Variants in PXN observed in about 807,000 individuals in gnomAD.
PXN encodes testicular tissue protein Li 134.
PXN carries 61 observed loss-of-function variants against 103.6 expected under a neutral mutation model. The observed-to-expected ratio is 0.59, with a 90% CI of 0.48 to 0.73. The LOEUF is 0.73. PXN is among the 30% of genes least tolerant of loss of function. The pLI is 0.00. For missense variants in PXN, 1,274 were observed against 1,460.3 expected (o/e 0.87, Z 2.08); for synonymous variants, 562 against 607.8 (o/e 0.92, Z 1.11).
At chr12:120,239,709 C>T (rs546958005) in intron 1 of PXN, among the ~76,000 whole-genome samples, 4 of 152,130 alleles carry the variant, frequency 2.6e-5, no homozygotes, top group Admixed American at 6.5e-5. Flanking sequence ...TGAGATCACA[C>T]CACTGCACTC....
In PXN at chr12:120,215,140, C is replaced by T; in HGVS notation, c.2537G>A (p.Gly846Glu). The change falls in exon 11 of 15, where the codon GGA (glycine) becomes GAA (glutamate). Residue 846 changes from glycine to glutamate, a missense_variant. Transcript: ENST00000637617. This position sits in a 1 kb window ranked among gnomAD's most constrained non-coding sequence, Gnocchi z 4.9. ...GGGCTTCTTGCAGGCCCCGCAGACT[C>T]CTTTGGCGACTGTGGCGACCCCCAG... ...NKLGVATVAK[G>E]VCGACKKPIA... 1 of 1,572,218 alleles carries T rather than the reference C, an allele frequency of 6.4e-7. No individual in the cohort carries two copies. The highest frequency in any genetic ancestry group is 1.3e-5 in the African/African-American group (1 of 74,180).
intron 1 of PXN, among the ~76,000 whole-genome samples, chr12:120,235,854 T>C (rs1224332286): frequency 6.6e-6 from 1 of 152,156 alleles, no homozygotes; most frequent in African/African-American, 2.4e-5. Flanking sequence ...TGTGGTCCCA[T>C]CTGAACCTCA....
chr12:120,231,575 G>T (rs1175295582), intron 1 of PXN, among the ~76,000 whole-genome samples: 1 of 152,138 alleles, frequency 6.6e-6, no homozygotes, highest in South Asian at 2.1e-4. Context: ...GGAGGGGGTG[G>T]TCATTTGGAT....
At chr12:120,238,713 A>G (rs1406762915) in intron 1 of PXN, among the ~76,000 whole-genome samples, 10 of 152,192 alleles carry the variant, frequency 6.6e-5, no homozygotes, top group Non-Finnish European at 2.9e-5. Context: ...CAATACTCTG[A>G]GGGGAAACTG....
intron 1 of PXN, among the ~76,000 whole-genome samples, chr12:120,236,162 GA>G (rs1888993988): frequency 6.6e-6 from 1 of 152,228 alleles, no homozygotes. Flanking sequence ...CTGGGCACAA[GA>G]GGGCTGCAGA....
Position 120,217,227 on chromosome 12 carries a change from A to C in PXN, c.1717-111T>G. ...AGGGAGCACAAAAGAAAACCACCAA[A>C]GAACCAAGCGGAGGTGGGTGGAGGC... is the stretch of plus-strand genomic sequence containing the variant. On this transcript the variant is annotated intron_variant, in intron 7 of 14. Transcript: ENST00000637617. This position sits in a 1 kb window ranked among gnomAD's most constrained non-coding sequence, Gnocchi z 4.1. 3.1e-5 allele frequency: 29 copies of C among 935,036 alleles called. No homozygotes were observed. The highest frequency in any genetic ancestry group is 5.6e-5 in the East Asian group (2 of 35,452). The allele number at this position is 935,036 out of a possible 1,614,324, so 57.9% of individuals were successfully genotyped here.
intron 1 of PXN, among the ~76,000 whole-genome samples, chr12:120,232,990 C>G (rs868798954): frequency 1.6e-4 from 25 of 152,186 alleles, no homozygotes; most frequent in African/African-American, 5.8e-4. Flanking sequence ...TAGCTGGTCA[C>G]TAAGTCACAT....
Position 120,215,488 on chromosome 12 carries a change from G to A in PXN, c.2403+72C>T. ...CCCACCAGGGTCGGAAAGGCTGAGG[G>A]CACCCAGCAGGCATGGCCAAGCCCA... On this transcript the variant is annotated intron_variant, in intron 10 of 14. Coordinates refer to ENST00000637617, the MANE Select transcript of PXN (RefSeq NM_001385981.1). The surrounding 1 kb of genome is among the most constrained non-coding windows in gnomAD (Gnocchi z 4.9). 15 of 1,508,162 alleles carry A rather than the reference G, an allele frequency of 9.9e-6. No homozygotes were observed. Among genetic ancestry groups the A allele is most frequent in the Non-Finnish European group, 1.3e-5 (15 of 1,132,390 alleles). 93.4% of individuals were successfully genotyped at this position (1,508,162 alleles called of 1,614,324 possible). A position where few individuals can be genotyped will look rare whatever the true frequency, so the allele number is the denominator to read the frequency against.
chr12:120,260,471 C>T (rs1251720230), intron 1 of PXN, among the ~76,000 whole-genome samples: 1 of 149,062 alleles, frequency 6.7e-6, no homozygotes, highest in Non-Finnish European at 1.5e-5. Flanking sequence ...CCATTGCCCT[C>T]CAGCCTGGGC....
intron 1 of PXN, among the ~76,000 whole-genome samples, chr12:120,238,331 C>G (rs1480781748): frequency 2.6e-5 from 4 of 152,128 alleles, no homozygotes; most frequent in Non-Finnish European, 5.9e-5. Flanking sequence ...GCTGAGGAAG[C>G]AGGCCAAGCA....
intron 3 of PXN, 84 bp downstream of exon 3, chr12:120,223,634 G>A (rs901197501): frequency 1.7e-5 from 18 of 1,071,478 alleles, no homozygotes; most frequent in South Asian, 6.0e-5. Context: ...GCCTGCTCCC[G>A]GGCCTCCGCT....
At chr12:120,226,438 G>C (rs1886899103) in intron 1 of PXN, 3 of 1,288,874 alleles carry the variant, frequency 2.3e-6, no homozygotes, top group East Asian at 5.5e-5. Context: ...ACACTGCCAA[G>C]GCTGGATGAA....
Position 120,212,420 on chromosome 12 carries a change from T to C in PXN, c.3140A>G (p.Glu1047Gly), listed in dbSNP as rs1450172131. Residue 1047 changes from glutamate (E) to glycine (G), a missense_variant, in exon 15 of 15, where the codon GAG becomes GGG. Glu to Gly is a moderately conservative substitution (Grantham distance 98). Transcript: ENST00000637617. The surrounding 1 kb of genome is among the most constrained non-coding windows in gnomAD (Gnocchi z 7.2). ...ITAMAKKFHP[E>G]HFVCAFCLKQ... The stretch of plus-strand genomic sequence containing the variant: ...GAGGCAGAAGGCACAGACGAAGTGC[T>C]CGGGGTGGAACTTCTTGGCCATGGC... The C allele has an allele frequency of 1.2e-6, 2 of 1,613,958 alleles. No individual in the cohort carries two copies. Among genetic ancestry groups the C allele is most frequent in the Non-Finnish European group, 1.7e-6 (2 of 1,179,866 alleles).
At chr12:120,262,891 G>T (rs1894090274) in intron 1 of PXN, among the ~76,000 whole-genome samples, 1 of 152,168 alleles carries the variant, frequency 6.6e-6, no homozygotes, top group African/African-American at 2.4e-5. Flanking sequence ...ACACAGGGAA[G>T]GGCAGAACAC....
intron 1 of PXN, among the ~76,000 whole-genome samples, chr12:120,244,085 A>T (rs1890627385): frequency 6.6e-6 from 1 of 151,252 alleles, no homozygotes; most frequent in Admixed American, 6.6e-5. Flanking sequence ...CTGTATGCAA[A>T]GCCCGGTGAG....
chr12:120,244,508 C>T (rs896721165), intron 1 of PXN, among the ~76,000 whole-genome samples: 42 of 151,932 alleles, frequency 2.8e-4, no homozygotes, highest in Admixed American at 8.5e-4. Flanking sequence ...ATTAGCCAGG[C>T]GTGGTGGCGG....
In PXN at chr12:120,229,244, A is replaced by T. The variant is rs1887535875; in HGVS notation, c.14-4867T>A. Among the ~76,000 whole-genome samples, 1 of 152,138 alleles carries T rather than the reference A, an allele frequency of 6.6e-6. No homozygotes were observed. Among genetic ancestry groups the T allele is most frequent in the Non-Finnish European group, 1.5e-5 (1 of 68,016 alleles). On this transcript the variant is annotated intron_variant, in intron 1 of 14. Coordinates refer to ENST00000637617, the MANE Select transcript of PXN (RefSeq NM_001385981.1). This position sits in a 1 kb window ranked among gnomAD's most constrained non-coding sequence, Gnocchi z 4.0. The stretch of plus-strand genomic sequence containing the variant: ...CTCAATATCAGATTAAAGAGAATCA[A>T]TTAAAACCTTCCGCCCCCACCCCCG...
At position 120,215,739 on chromosome 12, in the gene PXN, A is replaced by C; in HGVS notation, c.2302-78T>G. On this transcript the variant is annotated intron_variant, in intron 9 of 14. Transcript: ENST00000637617. The surrounding 1 kb of genome is among the most constrained non-coding windows in gnomAD (Gnocchi z 4.9). The stretch of plus-strand genomic sequence containing the variant: ...GAATACAAGACCTTGTCACTGGACT[A>C]AAAGGGAATCTAGGATGAGATCTGA... 7.0e-7 allele frequency: 1 copy of C among 1,434,422 alleles called. No homozygotes were observed. Among genetic ancestry groups the C allele is most frequent in the African/African-American group, 1.4e-5 (1 of 69,226 alleles). 88.9% of individuals were successfully genotyped at this position (1,434,422 alleles called of 1,614,324 possible). A position where few individuals can be genotyped will look rare whatever the true frequency, so the allele number is the denominator to read the frequency against.
At chr12:120,262,886 G>A (rs892228389) in intron 1 of PXN, among the ~76,000 whole-genome samples, 3 of 152,200 alleles carry the variant, frequency 2.0e-5, no homozygotes, top group African/African-American at 7.2e-5. Flanking sequence ...AGAACACACA[G>A]GGAAGGGCAG....
Sources: allele counts gnomAD v4.1 joint callset (sites outside exome capture counted in the v4.1 genomes callset), GRCh38; gene constraint gnomAD v4.1.1; non-coding constraint Gnocchi (gnomAD v3.1); transcripts MANE v1.5; gene names NCBI Gene and HGNC (gene_info 2026-07-23, HGNC 2026-07-21).